The following DMD variants were observed in gnomAD, a reference collection of about 807,000 sequenced individuals.
DMD encodes the protein mutant dystrophin.
DMD carries 63 observed loss-of-function variants against 330.1 expected under a neutral mutation model. The observed-to-expected ratio is 0.19, with a 90% confidence interval of 0.16 to 0.24. DMD has a LOEUF of 0.24. Ranked by LOEUF, DMD falls within the 10% of genes least tolerant of loss-of-function variation. DMD has a pLI of 1.00. For synonymous variants in DMD, 1,223 were observed against 959.8 expected, an observed-to-expected ratio of 1.27 and a Z score of -5.07; for missense variants, 3,344 against 2,684.1, an observed-to-expected ratio of 1.25 and a Z score of -5.43.
intron 21 of DMD, among the ~76,000 whole-genome samples, chrX:32,482,276 T>C (rs2041974070): frequency 9.0e-6 from 1 of 111,548 alleles, no homozygotes; most frequent in Non-Finnish European, 1.9e-5. Context: ...TAGAAAAGTA[T>C]TTTATCAACT....
At chrX:32,096,214 T>C (rs7882197) in intron 44 of DMD, among the ~76,000 whole-genome samples, 7,302 of 111,723 alleles carry the variant, frequency 0.065, 576 homozygotes, top group African/African-American at 0.23. Flanking sequence ...ACTTTACAAA[T>C]GGAGAAACAA....
chrX:32,741,259 A>G (rs1404219493), intron 7 of DMD, among the ~76,000 whole-genome samples: 9 of 111,553 alleles, frequency 8.1e-5, no homozygotes, highest in African/African-American at 2.9e-4. Context: ...ACTCTTTGAG[A>G]GGGCAACAGC....
chrX:32,382,638 A>G (rs1463686147), intron 33 of DMD, among the ~76,000 whole-genome samples: 2 of 108,513 alleles, frequency 1.8e-5, no homozygotes, highest in Non-Finnish European at 3.9e-5. Context: ...TCCTAAGTAA[A>G]AGCATCTGCC....
chrX:32,886,832 T>C (rs1434165841), intron 2 of DMD, among the ~76,000 whole-genome samples: 1 of 112,018 alleles, frequency 8.9e-6, no homozygotes, highest in Non-Finnish European at 1.9e-5. Flanking sequence ...TGTGAACATT[T>C]AAAGTGTGTC....
intron 1 of DMD, among the ~76,000 whole-genome samples, chrX:33,032,326 C>G (rs929811588): frequency 2.7e-5 from 3 of 112,260 alleles, no homozygotes; most frequent in African/African-American, 6.5e-5. Flanking sequence ...CAAAATTGAA[C>G]CTGACATGTG....
intron 2 of DMD, among the ~76,000 whole-genome samples, chrX:32,927,925 T>C (rs1001340098): frequency 9.0e-6 from 1 of 111,248 alleles, no homozygotes; most frequent in Non-Finnish European, 1.9e-5. Flanking sequence ...TTAGGCAGTT[T>C]CCATTTTCCC....
At chrX:31,990,069 G>T (rs1478087475) in intron 44 of DMD, among the ~76,000 whole-genome samples, 2 of 112,267 alleles carry the variant, frequency 1.8e-5, no homozygotes, top group Non-Finnish European at 1.9e-5. Flanking sequence ...CATTCTCAAT[G>T]ATGAAAATCA....
intron 44 of DMD, among the ~76,000 whole-genome samples, chrX:31,996,927 G>A (rs1342808343): frequency 6.3e-5 from 7 of 111,670 alleles, no homozygotes; most frequent in African/African-American, 2.3e-4. Context: ...GAAGGGAAGA[G>A]GAAAGGGCAG....
At chrX:32,711,151 C>T (rs945753894) in intron 7 of DMD, among the ~76,000 whole-genome samples, 5 of 111,308 alleles carry the variant, frequency 4.5e-5, no homozygotes, top group Non-Finnish European at 9.4e-5. Context: ...TTTAAAATTT[C>T]TTCTTTCCTT....
chrX:32,454,554 T>G (rs1396865985), intron 26 of DMD, 108 bp downstream of exon 26: 2 of 630,277 alleles, frequency 3.2e-6, no homozygotes, highest in Admixed American at 3.7e-5. Context: ...ACCTCTTCTC[T>G]TAGAACCAGG....
intron 44 of DMD, among the ~76,000 whole-genome samples, chrX:32,189,300 T>C (rs971570441): frequency 1.8e-5 from 2 of 109,667 alleles, no homozygotes; most frequent in Non-Finnish European, 3.8e-5. Flanking sequence ...TTTGAAAACT[T>C]TGAAAAATAA....
intron 7 of DMD, among the ~76,000 whole-genome samples, chrX:32,785,683 T>A (rs1035540893): frequency 8.0e-5 from 9 of 111,868 alleles, no homozygotes; most frequent in Non-Finnish European, 1.5e-4. Flanking sequence ...TTTCTCATCT[T>A]ATAGTCCCTT....
At chrX:33,083,858 AACAG>A (rs1177896163) in intron 1 of DMD, among the ~76,000 whole-genome samples, 102 of 111,107 alleles carry the variant, frequency 9.2e-4, no homozygotes, top group African/African-American at 3.0e-3. Context: ...ACAATGGAGT[AACAG>A]ACAGAGACAC....
intron 51 of DMD, among the ~76,000 whole-genome samples, chrX:31,761,867 A>G (rs767762927): frequency 3.7e-4 from 42 of 112,437 alleles, no homozygotes; most frequent in African/African-American, 1.3e-3. Context: ...AAGAAGAAAA[A>G]TGTGCATTAT....
At chrX:32,717,599 TCACA>T (rs1414506576) in intron 7 of DMD, among the ~76,000 whole-genome samples, 1 of 111,701 alleles carries the variant, frequency 9.0e-6, no homozygotes, top group Non-Finnish European at 1.9e-5. Flanking sequence ...GTTAGAGCTC[TCACA>T]CAGAGTCCCC....
chrX:32,614,204 A>G (rs1248206722), intron 12 of DMD, 99 bp downstream of exon 12: 1 of 872,762 alleles, frequency 1.1e-6, no homozygotes, highest in African/African-American at 2.1e-5. Flanking sequence ...TTAAGTTTTA[A>G]TTCTCTCCCA....
At chrX:32,614,756 C>G (rs1304067563) in intron 11 of DMD, among the ~76,000 whole-genome samples, 1 of 111,135 alleles carries the variant, frequency 9.0e-6, no homozygotes, top group African/African-American at 3.3e-5. Context: ...GGCAGTTGTT[C>G]GTTTACATTC....
chrX:33,041,859 CTAATT>C (rs1329302050), intron 1 of DMD: 1 of 566,795 alleles, frequency 1.8e-6, no homozygotes, highest in Non-Finnish European at 2.7e-6. Flanking sequence ...ATTTCTTTGT[CTAATT>C]TAATATGTCA....
At chrX:32,758,019 AT>A (rs1413472171) in intron 7 of DMD, among the ~76,000 whole-genome samples, 2 of 111,944 alleles carry the variant, frequency 1.8e-5, no homozygotes, top group African/African-American at 6.5e-5. Context: ...GGACAGTTCT[AT>A]AAGGTTCTAT....
Sources: gnomAD v4.1 joint callset for allele counts (sites outside exome capture counted in the v4.1 genomes callset) on GRCh38, gnomAD v4.1.1 for gene constraint, MANE v1.5 for transcripts, NCBI Gene and HGNC (gene_info 2026-07-23, HGNC 2026-07-21) for gene names.